Variants in PDSS2 observed in about 807,000 individuals in gnomAD.
PDSS2 encodes all trans-polyprenyl-diphosphate synthase PDSS2.
Under a neutral mutation model 44.5 loss-of-function variants are expected in PDSS2, and 31 were observed. The observed-to-expected ratio is 0.70, with a 90% CI of 0.52 to 0.94. The LOEUF is 0.94. PDSS2 is among the 40% of genes least tolerant of loss of function. PDSS2 has a pLI of 0.00. For missense variants in PDSS2, 452 were observed against 482.2 expected, an observed-to-expected ratio of 0.94 and a Z score of 0.59; for synonymous variants, 157 against 180.3, an observed-to-expected ratio of 0.87 and a Z score of 1.03.
intron 7 of PDSS2, among the ~76,000 whole-genome samples, chr6:107,159,714 G>A (rs556237341): frequency 3.2e-4 from 48 of 151,840 alleles, no homozygotes; most frequent in Middle Eastern, 3.4e-3. Context: ...CACTGCGCTG[G>A]GCCAAGCTCC....
intron 2 of PDSS2, among the ~76,000 whole-genome samples, chr6:107,333,103 A>T (rs1261180179): frequency 1.3e-5 from 2 of 152,192 alleles, no homozygotes; most frequent in African/African-American, 4.8e-5. Context: ...AAAAAAATAG[A>T]TTTATTTTTA....
intron 4 of PDSS2, among the ~76,000 whole-genome samples, chr6:107,238,760 G>C (rs951869674): frequency 6.6e-6 from 1 of 152,136 alleles, no homozygotes; most frequent in Non-Finnish European, 1.5e-5. Context: ...AGGATGGTAG[G>C]AACACTCCTA....
intron 2 of PDSS2, among the ~76,000 whole-genome samples, chr6:107,292,760 G>A (rs975271164): frequency 6.6e-6 from 1 of 152,162 alleles, no homozygotes; most frequent in Admixed American, 6.5e-5. Flanking sequence ...TCAACCAGAT[G>A]CTTATGAGGA....
chr6:107,338,740 AGAG>A (rs1209866351), intron 1 of PDSS2, among the ~76,000 whole-genome samples: 3 of 152,214 alleles, frequency 2.0e-5, no homozygotes, highest in Non-Finnish European at 4.4e-5. Flanking sequence ...CGAAGGAAAG[AGAG>A]GAGGACACAG....
At chr6:107,244,337 AG>A (rs1435223266) in intron 4 of PDSS2, among the ~76,000 whole-genome samples, 7 of 152,232 alleles carry the variant, frequency 4.6e-5, no homozygotes, top group Admixed American at 3.3e-4. Context: ...CACTTACTAC[AG>A]GGTTATTTGC....
intron 4 of PDSS2, among the ~76,000 whole-genome samples, chr6:107,225,137 TTATA>T (rs1554256031): frequency 8.0e-5 from 5 of 62,392 alleles, no homozygotes; most frequent in Non-Finnish European, 1.0e-4. Flanking sequence ...ATATATATTT[TTATA>T]TATATATATA....
At chr6:107,309,111 T>G (rs1465474030) in intron 2 of PDSS2, among the ~76,000 whole-genome samples, 2 of 152,154 alleles carry the variant, frequency 1.3e-5, no homozygotes, top group African/African-American at 2.4e-5. Flanking sequence ...AAAAGAAAGT[T>G]TTACTTAAAT....
At chr6:107,425,103 C>A (rs1308491977) in intron 1 of PDSS2, among the ~76,000 whole-genome samples, 1 of 152,178 alleles carries the variant, frequency 6.6e-6, no homozygotes. Flanking sequence ...TCCTCATTGC[C>A]TTCCACCATG....
At chr6:107,264,665 C>T (rs1775354627) in intron 3 of PDSS2, among the ~76,000 whole-genome samples, 1 of 152,094 alleles carries the variant, frequency 6.6e-6, no homozygotes, top group African/African-American at 2.4e-5. Flanking sequence ...AAATACAAAC[C>T]CAGTCTAAAT....
At chr6:107,325,100 CTTAAGA>C (rs1777498181) in intron 2 of PDSS2, among the ~76,000 whole-genome samples, 1 of 152,078 alleles carries the variant, frequency 6.6e-6, no homozygotes, top group African/African-American at 2.4e-5. Context: ...CCCTTCTCTC[CTTAAGA>C]TTATTTCACA....
At chr6:107,444,322 C>T (rs1279828651) in intron 1 of PDSS2, among the ~76,000 whole-genome samples, 1 of 152,170 alleles carries the variant, frequency 6.6e-6, no homozygotes, top group Non-Finnish European at 1.5e-5. Flanking sequence ...TGAGCCACTG[C>T]ACCTAGCCAC....
intron 1 of PDSS2, among the ~76,000 whole-genome samples, chr6:107,358,194 G>A (rs534397698): frequency 2.0e-5 from 3 of 152,284 alleles, no homozygotes; most frequent in East Asian, 3.9e-4. Context: ...CGGACTAGGT[G>A]TATAAGGAAA....
intron 4 of PDSS2, among the ~76,000 whole-genome samples, chr6:107,221,426 A>C (rs924607643): frequency 6.6e-6 from 1 of 151,602 alleles, no homozygotes; most frequent in Non-Finnish European, 1.5e-5. Flanking sequence ...TTTATTATAC[A>C]GAAAAGGAGG....
chr6:107,312,163 A>T (rs532011384), intron 2 of PDSS2, among the ~76,000 whole-genome samples: 1 of 152,320 alleles, frequency 6.6e-6, no homozygotes, highest in Non-Finnish European at 1.5e-5. Flanking sequence ...GTGCAAGAAT[A>T]GTTATTCCTC....
At chr6:107,413,988 T>TG (rs1780584417) in intron 1 of PDSS2, among the ~76,000 whole-genome samples, 5 of 70,596 alleles carry the variant, frequency 7.1e-5, no homozygotes, top group Non-Finnish European at 1.6e-4. Context: ...AGAAAATGAA[T>TG]TCTACAAAGT....
intron 7 of PDSS2, among the ~76,000 whole-genome samples, chr6:107,180,155 A>T (rs540790574): frequency 1.3e-5 from 2 of 152,198 alleles, no homozygotes; most frequent in Non-Finnish European, 2.9e-5. Flanking sequence ...AATGGACTAA[A>T]CAGGCTTTTC....
intron 1 of PDSS2, among the ~76,000 whole-genome samples, chr6:107,362,080 G>A (rs1287208117): frequency 3.3e-5 from 5 of 152,182 alleles, no homozygotes; most frequent in African/African-American, 1.2e-4. Context: ...CAAACCTGAC[G>A]GGGGCAGGCA....
intron 4 of PDSS2, among the ~76,000 whole-genome samples, chr6:107,230,689 G>A (rs1387611762): frequency 6.6e-6 from 1 of 151,724 alleles, no homozygotes; most frequent in Non-Finnish European, 1.5e-5. Context: ...TTTTCTCATA[G>A]TGATGAGAAA....
chr6:107,240,515 C>T (rs931840384), intron 4 of PDSS2, among the ~76,000 whole-genome samples: 3 of 151,658 alleles, frequency 2.0e-5, no homozygotes, highest in South Asian at 4.2e-4. Flanking sequence ...CCTCCTGCCT[C>T]GGCCTCCCGA....
Sources: allele counts gnomAD v4.1 joint callset (sites outside exome capture counted in the v4.1 genomes callset), GRCh38; gene constraint gnomAD v4.1.1; transcripts MANE v1.5; gene names NCBI Gene and HGNC (gene_info 2026-07-23, HGNC 2026-07-21).